Variants in KIF26B observed in about 807,000 individuals in gnomAD.
KIF26B encodes the protein kinesin family member 26B.
A neutral mutation model predicts 151.2 loss-of-function variants in KIF26B; 63 were observed. The ratio of observed to expected loss-of-function variants is 0.42; its 90% CI spans 0.34 to 0.51. KIF26B has a LOEUF of 0.51. Ranked by LOEUF, KIF26B falls within the 20% of genes least tolerant of loss-of-function variation. The pLI is 0.07. For missense variants in KIF26B, 2,813 were observed against 2,913.6 expected (o/e 0.97, Z 0.79); for synonymous variants, 1,357 against 1,262.1 (o/e 1.08, Z -1.59).
intron 10 of KIF26B, chr1:245,673,836 G>C (rs3766649): frequency 0.49 from 75,109 of 152,070 alleles, 20,062 homozygotes; most frequent in East Asian, 0.82. Context: ...GCTGGGGCAG[G>C]ATTTCATTAT....
At chr1:245,455,121 T>C (rs534423595) in intron 4 of KIF26B, among the ~76,000 whole-genome samples, 2 of 152,304 alleles carry the variant, frequency 1.3e-5, no homozygotes, top group Non-Finnish European at 2.9e-5. Context: ...CATGTTTGCA[T>C]TGGTATCCGA....
intron 4 of KIF26B, chr1:245,511,127 G>A (rs1490121853): frequency 1.4e-6 from 1 of 717,426 alleles, no homozygotes; most frequent in South Asian, 1.5e-5. Flanking sequence ...TTGGAAAGCA[G>A]TGTAAGTAAC....
At chr1:245,183,652 T>G (rs553226414) in intron 2 of KIF26B, among the ~76,000 whole-genome samples, 1 of 152,314 alleles carries the variant, frequency 6.6e-6, no homozygotes, top group African/African-American at 2.4e-5. Flanking sequence ...ATGAGCAAGC[T>G]GGAGTTGGAG....
chr1:245,198,448 G>A (rs1474063022), intron 2 of KIF26B, among the ~76,000 whole-genome samples: 1 of 131,650 alleles, frequency 7.6e-6, no homozygotes, highest in Non-Finnish European at 1.7e-5. Context: ...TTGGCTGGGT[G>A]CGGTGGCTCA....
chr1:245,204,827 C>T (rs1030385188), intron 2 of KIF26B, among the ~76,000 whole-genome samples: 3 of 152,036 alleles, frequency 2.0e-5, no homozygotes, highest in Non-Finnish European at 4.4e-5. Context: ...GTCACGCAGG[C>T]TGGAGTGCGG....
chr1:245,674,973 T>G (rs2044340783), intron 10 of KIF26B, among the ~76,000 whole-genome samples: 1 of 152,140 alleles, frequency 6.6e-6, no homozygotes, highest in Non-Finnish European at 1.5e-5. Flanking sequence ...AACTGCATGT[T>G]TGGAGGGTTC....
intron 5 of KIF26B, among the ~76,000 whole-genome samples, chr1:245,586,495 C>T (rs1220102576): frequency 6.6e-6 from 1 of 152,158 alleles, no homozygotes; most frequent in Admixed American, 6.5e-5. Context: ...TAAGTACAGA[C>T]TTTTTAGTTT....
At chr1:245,491,871 G>C (rs1660415300) in intron 4 of KIF26B, among the ~76,000 whole-genome samples, 1 of 151,888 alleles carries the variant, frequency 6.6e-6, no homozygotes, top group Admixed American at 6.6e-5. Flanking sequence ...TCCTTCCACT[G>C]CACTCTAGCC....
intron 9 of KIF26B, among the ~76,000 whole-genome samples, chr1:245,614,213 T>C (rs933232827): frequency 1.3e-5 from 2 of 152,160 alleles, no homozygotes; most frequent in African/African-American, 2.4e-5. Context: ...CTCACTCTGT[T>C]GCCCAGGCTG....
intron 2 of KIF26B, among the ~76,000 whole-genome samples, chr1:245,273,643 G>A (rs201063590): frequency 1.3e-5 from 2 of 151,994 alleles, no homozygotes; most frequent in African/African-American, 4.8e-5. Context: ...GGCAGTTTTT[G>A]TCTTAAAGTC....
intron 3 of KIF26B, among the ~76,000 whole-genome samples, chr1:245,403,002 T>C (rs1285627933): frequency 6.6e-6 from 1 of 152,202 alleles, no homozygotes; most frequent in Non-Finnish European, 1.5e-5. Flanking sequence ...GGGGTCTCAC[T>C]CTGTTGCCCA....
rs565598424 is a variant in KIF26B, at chr1:245,606,569, G to T, written c.1558-1082G>T. The stretch of plus-strand genomic sequence containing the variant: ...ACAAAACCGACAGCTCTGATGGCTC[G>T]CAGAGCTCTGTATTAGCGGGTGTTC... On this transcript the variant is annotated intron_variant, in intron 6 of 14. Coordinates refer to ENST00000407071, the MANE Select transcript of KIF26B (RefSeq NM_018012.4). The surrounding 1 kb of genome is among the most constrained non-coding windows in gnomAD (Gnocchi z 4.6). Among the ~76,000 whole-genome samples the T allele has an allele frequency of 6.6e-6, 1 of 152,212 alleles. No individual in the cohort carries two copies. The highest frequency in any genetic ancestry group is 2.4e-5 in the African/African-American group (1 of 41,450).
intron 3 of KIF26B, among the ~76,000 whole-genome samples, chr1:245,389,701 T>TAAAAAAATGTTGTATCCA (rs1268333703): frequency 6.6e-6 from 1 of 152,250 alleles, no homozygotes; most frequent in East Asian, 1.9e-4. Context: ...GTATCCATTT[T>TAAAAAAATGTTGTATCCA]TTTAAATGTT....
chr1:245,580,588 C>T (rs57518117), intron 5 of KIF26B, among the ~76,000 whole-genome samples: 13,044 of 152,238 alleles, frequency 0.086, 672 homozygotes, highest in Middle Eastern at 0.15. Context: ...CGCCTCCTCC[C>T]TCCAGAGGGC....
chr1:245,594,449 G>C (rs996188159), intron 5 of KIF26B, among the ~76,000 whole-genome samples: 3 of 152,046 alleles, frequency 2.0e-5, no homozygotes, highest in Non-Finnish European at 2.9e-5. Context: ...TGCTTGTTTT[G>C]TCAGGTTTGT....
intron 9 of KIF26B, among the ~76,000 whole-genome samples, chr1:245,638,067 G>A (rs985827195): frequency 6.6e-6 from 1 of 151,966 alleles, no homozygotes; most frequent in Non-Finnish European, 1.5e-5. Flanking sequence ...GATAGGGATT[G>A]CAGTGAATCT....
At chr1:245,214,418 C>T (rs1393638437) in intron 2 of KIF26B, among the ~76,000 whole-genome samples, 1 of 151,822 alleles carries the variant, frequency 6.6e-6, no homozygotes, top group African/African-American at 2.4e-5. Flanking sequence ...GTCAGAAATA[C>T]AAAGGAGCAT....
rs985867026 is a variant in KIF26B at position 245,703,992 on chromosome 1, G to A, written c.*1386G>A. ...CCAGGTCTTGGCTCCCAACAACTCA[G>A]GACCTCAAATTCAGATGTTCCTCCC... On this transcript the variant is annotated 3_prime_UTR_variant, in exon 15 of 15. Transcript: ENST00000407071. 6.6e-6 allele frequency: 1 copy of A among 152,318 alleles called. No homozygotes were observed. The highest frequency in any genetic ancestry group is 2.1e-4 in the South Asian group (1 of 4,824). The allele number at this position is 152,318 out of a possible 1,614,324, so 9.4% of individuals were successfully genotyped here. A position where few individuals can be genotyped will look rare whatever the true frequency, so the allele number is the denominator to read the frequency against.
intron 6 of KIF26B, among the ~76,000 whole-genome samples, chr1:245,603,653 G>A (rs2043420689): frequency 6.6e-6 from 1 of 152,176 alleles, no homozygotes. Context: ...TCGTCATCCA[G>A]CAGGCTAGCT....
Sources: allele counts gnomAD v4.1 joint callset (sites outside exome capture counted in the v4.1 genomes callset), GRCh38; gene constraint gnomAD v4.1.1; non-coding constraint Gnocchi (gnomAD v3.1); transcripts MANE v1.5; gene names NCBI Gene and HGNC (gene_info 2026-07-23, HGNC 2026-07-21).